The following CCSER2 variants were observed in gnomAD, a reference collection of about 807,000 sequenced individuals.
CCSER2 encodes the protein serine-rich coiled-coil domain-containing protein 2.
A neutral mutation model predicts 92.3 loss-of-function variants in CCSER2; 46 were observed. The observed-to-expected ratio is 0.50, with a 90% confidence interval of 0.39 to 0.64. CCSER2 has a LOEUF of 0.64. Among genes scored for constraint, CCSER2 ranks in the 30% least tolerant of loss-of-function variants. CCSER2 has a pLI of 0.00. For missense variants in CCSER2, 1,244 were observed against 1,238.9 expected, an observed-to-expected ratio of 1.00 and a Z score of -0.06; for synonymous variants, 433 against 431.4, an observed-to-expected ratio of 1.00 and a Z score of -0.04.
chr10:84,357,235 CACAAGACTA>C (rs1845222619), intron 1 of CCSER2, among the ~76,000 whole-genome samples: 1 of 110,334 alleles, frequency 9.1e-6, no homozygotes, highest in Non-Finnish European at 2.0e-5. Flanking sequence ...GCATTTCAGA[CACAAGACTA>C]TATGTGTAAA....
At chr10:84,406,165 A>C (rs1172431809) in intron 3 of CCSER2, among the ~76,000 whole-genome samples, 1 of 152,208 alleles carries the variant, frequency 6.6e-6, no homozygotes. Flanking sequence ...AGTCATTCTC[A>C]AAATGTTACA....
Position 84,372,485 on chromosome 10 carries a change from C to CT in CCSER2, c.1417+18dup. 1.4e-6 allele frequency: 2 copies of CT among 1,436,176 alleles called. No individual in the cohort carries two copies. Among genetic ancestry groups the CT allele is most frequent in the Non-Finnish European group, 1.9e-6 (2 of 1,063,190 alleles). 89.0% of individuals were successfully genotyped at this position (1,436,176 alleles called of 1,614,324 possible). ...AGTGTCTCTGGTAAATATTACTTAC[C>CT]TTAAGTTTTTTTGCTTTCTTTTAAA... On this transcript the variant is annotated intron_variant, in intron 2 of 9. Coordinates refer to ENST00000372088, the MANE Select transcript of CCSER2 (RefSeq NM_001284240.2).
intron 7 of CCSER2, among the ~76,000 whole-genome samples, chr10:84,467,349 A>G (rs1018584338): frequency 4.6e-5 from 7 of 152,156 alleles, no homozygotes; most frequent in African/African-American, 1.7e-4. Flanking sequence ...GCTAACATGT[A>G]AAACTCCTTT....
intron 1 of CCSER2, among the ~76,000 whole-genome samples, chr10:84,348,995 T>C (rs1217938035): frequency 6.6e-6 from 1 of 152,208 alleles, no homozygotes; most frequent in Non-Finnish European, 1.5e-5. Context: ...TTGTACAGTA[T>C]GGACTTCACT....
At chr10:84,467,437 ACT>A (rs148677136) in intron 7 of CCSER2, among the ~76,000 whole-genome samples, 1 of 148,482 alleles carries the variant, frequency 6.7e-6, no homozygotes, top group Non-Finnish European at 1.5e-5. Context: ...TCTAACACAG[ACT>A]CTCTCTCTCT....
intron 3 of CCSER2, among the ~76,000 whole-genome samples, chr10:84,380,768 AC>A (rs1161124836): frequency 2.0e-5 from 3 of 147,296 alleles, no homozygotes; most frequent in African/African-American, 7.6e-5. Flanking sequence ...ATCTCGACTT[AC>A]TGTAAGCTCC....
At chr10:84,388,589 A>C (rs1487725011) in intron 3 of CCSER2, among the ~76,000 whole-genome samples, 1 of 152,176 alleles carries the variant, frequency 6.6e-6, no homozygotes, top group Non-Finnish European at 1.5e-5. Context: ...TAAGCTTCCT[A>C]CCTGAAGCCC....
intron 6 of CCSER2, among the ~76,000 whole-genome samples, chr10:84,440,612 A>G (rs747358553): frequency 1.3e-5 from 2 of 152,170 alleles, no homozygotes; most frequent in South Asian, 2.1e-4. Flanking sequence ...TACTTTTGCC[A>G]TAATCTGGGA....
Position 84,425,790 on chromosome 10 carries a change from G to C in CCSER2, c.1765G>C (p.Glu589Gln). 6.2e-7 allele frequency: 1 copy of C among 1,613,698 alleles called. No individual in the cohort carries two copies. Among genetic ancestry groups the C allele is most frequent in the Non-Finnish European group, 8.5e-7 (1 of 1,179,774 alleles). ...AGACAGAAATGTTCGGCAGCCTCAG[G>C]AAGGTTTTTGGAAAAGGCCACCCCA... is the stretch of plus-strand genomic sequence containing the variant. ...RPDRNVRQPQ[E>Q]GFWKRPPQRW... The change falls in exon 5 of 10, where the codon GAA (glutamate) becomes CAA (glutamine). Residue 589 changes from glutamate (E) to glutamine (Q), a missense_variant. Physicochemically the swap from Glu to Gln is conservative, Grantham distance 29. Transcript: ENST00000372088.
At chr10:84,428,971 T>TG (rs996069299) in intron 5 of CCSER2, among the ~76,000 whole-genome samples, 56 of 122,524 alleles carry the variant, frequency 4.6e-4, no homozygotes, top group Admixed American at 1.2e-3. Context: ...AAGATTTTTT[T>TG]TGTGTGTGTA....
rs1435039803 is a variant in CCSER2, at chr10:84,515,165, G to A, written c.*898G>A. On this transcript the variant is annotated 3_prime_UTR_variant, in exon 10 of 10. Coordinates refer to ENST00000372088, the MANE Select transcript of CCSER2 (RefSeq NM_001284240.2). ...ATGATAGCCATTTTAAGGTTCCACAGCATTATGTCTTTAATTGTAATATTT... is the reference window on the plus strand; with the variant it reads ...ATGATAGCCATTTTAAGGTTCCACAACATTATGTCTTTAATTGTAATATTT... 2 of 152,524 alleles carry A rather than the reference G, an allele frequency of 1.3e-5. No individual in the cohort carries two copies. The highest frequency in any genetic ancestry group is 2.9e-5 in the Non-Finnish European group (2 of 68,014). The allele number at this position is 152,524 out of a possible 1,614,324, so 9.4% of individuals were successfully genotyped here. A position where few individuals can be genotyped will look rare whatever the true frequency, so the allele number is the denominator to read the frequency against.
intron 1 of CCSER2, among the ~76,000 whole-genome samples, chr10:84,368,759 T>G (rs1188525879): frequency 6.6e-6 from 1 of 152,144 alleles, no homozygotes; most frequent in Admixed American, 6.5e-5. Flanking sequence ...AGTCTGAGAT[T>G]TTAGTGCACG....
At chr10:84,384,471 C>T (rs964782561) in intron 3 of CCSER2, among the ~76,000 whole-genome samples, 2 of 152,160 alleles carry the variant, frequency 1.3e-5, no homozygotes, top group South Asian at 2.1e-4. Context: ...GATGTTTCAG[C>T]ATACACACAT....
intron 4 of CCSER2, among the ~76,000 whole-genome samples, chr10:84,420,625 T>G (rs916032392): frequency 6.6e-6 from 1 of 152,076 alleles, no homozygotes; most frequent in Admixed American, 6.5e-5. Flanking sequence ...GATGATATTA[T>G]GCAGGTTTGA....
At chr10:84,422,020 G>A (rs1454063898) in intron 4 of CCSER2, among the ~76,000 whole-genome samples, 1 of 152,168 alleles carries the variant, frequency 6.6e-6, no homozygotes, top group East Asian at 1.9e-4. Flanking sequence ...AGTCTTCAAG[G>A]AAGAAAGGAA....
intron 1 of CCSER2, among the ~76,000 whole-genome samples, chr10:84,364,670 G>T (rs1210471311): frequency 6.6e-6 from 1 of 151,658 alleles, no homozygotes; most frequent in African/African-American, 2.4e-5. Context: ...TCCAATTGTG[G>T]ATTTCTTTTA....
intron 6 of CCSER2, 42 bp downstream of exon 6, chr10:84,438,749 T>C (rs568119637): frequency 8.1e-7 from 1 of 1,241,468 alleles, no homozygotes; most frequent in Non-Finnish European, 1.1e-6. Flanking sequence ...TATTTTGAAT[T>C]GCAAAATGGA....
chr10:84,503,244 G>A (rs960932561), intron 9 of CCSER2, among the ~76,000 whole-genome samples: 2 of 151,976 alleles, frequency 1.3e-5, no homozygotes, highest in Non-Finnish European at 2.9e-5. Flanking sequence ...AAGAATATAG[G>A]AAAATAGAGA....
chr10:84,487,193 G>A (rs1847859086), intron 9 of CCSER2, among the ~76,000 whole-genome samples: 1 of 152,166 alleles, frequency 6.6e-6, no homozygotes, highest in Non-Finnish European at 1.5e-5. Flanking sequence ...CTCCAGCTTT[G>A]TTCTTTTGGC....
Sources: allele counts gnomAD v4.1 joint callset (sites outside exome capture counted in the v4.1 genomes callset), GRCh38; gene constraint gnomAD v4.1.1; transcripts MANE v1.5; gene names NCBI Gene and HGNC (gene_info 2026-07-23, HGNC 2026-07-21).